DOCK10: variants seen among roughly 807,000 people sequenced by gnomAD.
DOCK10 encodes the protein dedicator of cytokinesis protein 10.
In DOCK10, 145 loss-of-function variants were observed where a neutral mutation model predicts 280.1. The observed-to-expected ratio is 0.52, with a 90% CI of 0.45 to 0.59. The LOEUF (loss-of-function observed/expected upper bound fraction) is 0.59. Among genes scored for constraint, DOCK10 ranks in the 20% least tolerant of loss-of-function variants. The pLI is 0.00. For missense variants in DOCK10, 2,368 were observed against 2,651.7 expected, an observed-to-expected ratio of 0.89 and a Z score of 2.35; for synonymous variants, 915 against 942.2, an observed-to-expected ratio of 0.97 and a Z score of 0.53.
Position 224,849,588 on chromosome 2 carries a change from T to C in DOCK10, c.2154A>G (p.Gly718=), listed in dbSNP as rs752176852. The C allele has an allele frequency of 1.9e-6, 3 of 1,604,978 alleles. No homozygotes were observed. Among genetic ancestry groups the C allele is most frequent in the Non-Finnish European group, 2.6e-6 (3 of 1,175,170 alleles). Residue 718 remains glycine (G), a synonymous_variant, in exon 19 of 56, where the codon GGA becomes GGG. Transcript: ENST00000258390. The stretch of plus-strand genomic sequence containing the variant: ...AGGTGAAGAGGGGCCCTCCAGGTTT[T>C]CCATAAATACACTGTTTGAAAAGTT... ...ESAKPLKCIY[G]KPGGPLFTSA...
intron 4 of DOCK10, among the ~76,000 whole-genome samples, chr2:224,888,253 G>C (rs963323793): frequency 4.7e-5 from 7 of 149,110 alleles, no homozygotes; most frequent in Non-Finnish European, 8.9e-5. Flanking sequence ...GTGTGTGTGT[G>C]TCTAGCATTC....
intron 1 of DOCK10, among the ~76,000 whole-genome samples, chr2:224,995,100 C>T (rs533852611): frequency 3.7e-4 from 56 of 152,280 alleles, no homozygotes; most frequent in African/African-American, 2.2e-4. Flanking sequence ...CACAGGGTTG[C>T]TTGGGTGTCC....
intron 1 of DOCK10, among the ~76,000 whole-genome samples, chr2:225,035,404 A>G (rs1377435769): frequency 6.6e-6 from 1 of 151,410 alleles, no homozygotes; most frequent in Non-Finnish European, 1.5e-5. Flanking sequence ...CTAGGAGTCA[A>G]TGACTGTGAG....
intron 1 of DOCK10, among the ~76,000 whole-genome samples, chr2:225,033,035 C>G (rs943967638): frequency 1.1e-4 from 16 of 152,138 alleles, no homozygotes; most frequent in Admixed American, 9.2e-4. Context: ...TGTTGTTAAA[C>G]TCTGCCATTT....
At chr2:225,011,221 C>T (rs1689424951) in intron 1 of DOCK10, among the ~76,000 whole-genome samples, 2 of 152,132 alleles carry the variant, frequency 1.3e-5, no homozygotes, top group Non-Finnish European at 1.5e-5. Flanking sequence ...GAGGCAATGT[C>T]GCAGTAGTTG....
chr2:224,792,984 G>A lies in DOCK10; in HGVS notation c.5301C>T (p.Pro1767=). 1.9e-6 allele frequency: 3 copies of A among 1,612,472 alleles called. No homozygotes were observed. The change falls in exon 47 of 56, where the codon CCC becomes CCT. Residue 1767 remains proline (P), a synonymous_variant. Transcript: ENST00000258390. ...AGTTAGGTCACTCACTTCCTCCACT[G>A]GGAGTTGTTAGTAATGAGTTGCTAT... ...PCDSNSLLTT[P]SGGSMFSMGW...
intron 7 of DOCK10, among the ~76,000 whole-genome samples, chr2:224,877,176 T>C (rs921599461): frequency 6.6e-6 from 1 of 152,238 alleles, no homozygotes; most frequent in Non-Finnish European, 1.5e-5. Context: ...CAGATCTCAA[T>C]TGAAACTTTC....
intron 16 of DOCK10, among the ~76,000 whole-genome samples, chr2:224,853,462 A>G (rs1476986224): frequency 6.6e-6 from 1 of 152,226 alleles, no homozygotes; most frequent in South Asian, 2.1e-4. Flanking sequence ...TAATCCACCA[A>G]TCTTTGCTAT....
chr2:224,944,927 G>A (rs892265543), intron 1 of DOCK10, among the ~76,000 whole-genome samples: 1 of 151,986 alleles, frequency 6.6e-6, no homozygotes, highest in Non-Finnish European at 1.5e-5. Flanking sequence ...GAATGCTGTG[G>A]GAAAATACCG....
At chr2:224,956,289 A>G (rs1486606642) in intron 1 of DOCK10, among the ~76,000 whole-genome samples, 2 of 152,230 alleles carry the variant, frequency 1.3e-5, no homozygotes, top group African/African-American at 2.4e-5. Context: ...CCAGGAGCTC[A>G]GTAGCTCTCA....
chr2:224,788,253 A>G (rs527360927), intron 48 of DOCK10, among the ~76,000 whole-genome samples: 1 of 152,158 alleles, frequency 6.6e-6, no homozygotes, highest in South Asian at 2.1e-4. Context: ...TTTTTTTCCC[A>G]GCCCTTACCT....
intron 1 of DOCK10, among the ~76,000 whole-genome samples, chr2:225,035,556 AT>A (rs1690213298): frequency 3.1e-5 from 1 of 32,734 alleles, no homozygotes; most frequent in African/African-American, 1.1e-4. Flanking sequence ...ATATATATAT[AT>A]ATATATATAT....
rs781543162 is a variant in DOCK10, at chr2:224,885,779, C to T, written c.639G>A (p.Leu213=). 30 of 1,613,124 alleles carry T rather than the reference C, an allele frequency of 1.9e-5. No homozygotes were observed. The highest frequency in any genetic ancestry group is 2.5e-5 in the Non-Finnish European group (30 of 1,179,748). Residue 213 remains leucine (L), a synonymous_variant, in exon 7 of 56, where the codon CTG becomes CTA. Coordinates refer to ENST00000258390, the MANE Select transcript of DOCK10 (RefSeq NM_014689.3). ...VRSFKKRYFQ[L]TQLPDNSYIM... is the part of the protein sequence containing the mutation. ...TGTAGGAGTTATCTGGTAACTGAGT[C>T]AGCTGGAAGTAGCGCTTTTTGAATG...
chr2:224,819,987 T>A (rs1227160188), intron 28 of DOCK10, among the ~76,000 whole-genome samples: 1 of 152,206 alleles, frequency 6.6e-6, no homozygotes, highest in Admixed American at 6.5e-5. Flanking sequence ...AGTTACATTT[T>A]ATTATTTTCT....
chr2:224,978,205 C>T (rs894739324), intron 1 of DOCK10, among the ~76,000 whole-genome samples: 10 of 152,080 alleles, frequency 6.6e-5, no homozygotes, highest in African/African-American at 1.9e-4. Flanking sequence ...GAGGCTGAGG[C>T]GAGTGGAACA....
chr2:224,866,982 G>A (rs1421167252), intron 11 of DOCK10, among the ~76,000 whole-genome samples: 1 of 151,976 alleles, frequency 6.6e-6, no homozygotes, highest in Non-Finnish European at 1.5e-5. Flanking sequence ...CAGTGAGGGT[G>A]ACATTTACAA....
chr2:224,769,936 T>C (rs1690308845), intron 55 of DOCK10, among the ~76,000 whole-genome samples: 1 of 152,204 alleles, frequency 6.6e-6, no homozygotes, highest in South Asian at 2.1e-4. Context: ...TTCCTCAGCA[T>C]TTAATGGGAC....
chr2:224,823,407 T>C lies in DOCK10; in HGVS notation c.3183+94A>G, dbSNP rs1234257078. On this transcript the variant is annotated intron_variant, in intron 28 of 55. Transcript: ENST00000258390. ...TGACAGTGCTAGTTTTGATTTTTCA[T>C]CATACATGAAGATGTGAACTGATGA... 4 of 1,095,080 alleles carry C rather than the reference T, an allele frequency of 3.7e-6. No individual in the cohort carries two copies. The African/African-American group carries it at 6.5e-5, about 18-fold the overall frequency. 67.8% of individuals were successfully genotyped at this position (1,095,080 alleles called of 1,614,324 possible). A position where few individuals can be genotyped will look rare whatever the true frequency, so the allele number is the denominator to read the frequency against.
intron 4 of DOCK10, among the ~76,000 whole-genome samples, chr2:224,886,893 C>CCCCTCA (rs550630549): frequency 1.3e-5 from 2 of 149,400 alleles, no homozygotes; most frequent in Non-Finnish European, 3.0e-5. Context: ...CCAACACCCC[C>CCCCTCA]CCAAGTAGTA....
Sources: allele counts gnomAD v4.1 joint callset (sites outside exome capture counted in the v4.1 genomes callset), GRCh38; gene constraint gnomAD v4.1.1; transcripts MANE v1.5; gene names NCBI Gene and HGNC (gene_info 2026-07-23, HGNC 2026-07-21).